Variants in RBFOX1 observed in about 807,000 individuals in gnomAD.
RBFOX1 encodes the protein RNA binding protein fox-1 homolog 1.
Under a neutral mutation model 57.7 loss-of-function variants are expected in RBFOX1, and 8 were observed. That is an observed-to-expected ratio of 0.14 (90% CI 0.08 to 0.25). The LOEUF is 0.25. RBFOX1 is among the 10% of genes least tolerant of loss of function. The pLI, the probability that RBFOX1 is intolerant of heterozygous loss-of-function variation, is 1.00. For missense variants in RBFOX1, 611 were observed against 548.5 expected (o/e 1.11, Z -1.14); for synonymous variants, 326 against 222.4 (o/e 1.47, Z -4.15).
At chr16:5,722,878 G>T (rs1221776360) in intron 3 of RBFOX1, among the ~76,000 whole-genome samples, 1 of 152,120 alleles carries the variant, frequency 6.6e-6, no homozygotes, top group South Asian at 2.1e-4. Context: ...TCTGTTGCCA[G>T]CTCTCATTTT....
rs555288687 is a variant in RBFOX1, at chr16:6,926,176, G to A, written c.-15-125881G>A. The stretch of plus-strand genomic sequence containing the variant: ...CAAAAAACTAGCTGGGCATGGTGGT[G>A]TGCATCTGTAATCTCAGCTAATCCA... On this transcript the variant is annotated intron_variant, in intron 3 of 15. Transcript: ENST00000550418. Among the ~76,000 whole-genome samples, 17 of 152,214 alleles carry A rather than the reference G, an allele frequency of 1.1e-4. No individual in the cohort carries two copies. The South Asian group carries it at 3.5e-3, about 32-fold the overall frequency.
intron 3 of RBFOX1, among the ~76,000 whole-genome samples, chr16:5,730,909 T>C (rs1306213481): frequency 6.6e-6 from 1 of 151,964 alleles, no homozygotes; most frequent in Non-Finnish European, 1.5e-5. Flanking sequence ...ACCATCAACA[T>C]CTCCACTGCC....
At chr16:5,628,217 T>C (rs8054235) in intron 3 of RBFOX1, among the ~76,000 whole-genome samples, 1 of 152,076 alleles carries the variant, frequency 6.6e-6, no homozygotes, top group African/African-American at 2.4e-5. Context: ...CAGCCCAGTG[T>C]TTGAGTTGAG....
At chr16:7,511,312 T>C (rs2075016619) in intron 4 of RBFOX1, among the ~76,000 whole-genome samples, 1 of 152,222 alleles carries the variant, frequency 6.6e-6, no homozygotes, top group Non-Finnish European at 1.5e-5. Context: ...AACTACTTTA[T>C]TAAACCACTC....
At chr16:5,646,632 C>T (rs1023920719) in intron 3 of RBFOX1, among the ~76,000 whole-genome samples, 7 of 151,626 alleles carry the variant, frequency 4.6e-5, no homozygotes, top group Non-Finnish European at 7.4e-5. Context: ...AAGGGAAGAC[C>T]CTCTTATTTT....
At chr16:6,914,544 C>G (rs901327737) in intron 3 of RBFOX1, among the ~76,000 whole-genome samples, 2 of 149,306 alleles carry the variant, frequency 1.3e-5, no homozygotes, top group Non-Finnish European at 3.0e-5. Context: ...CAGTTTTCAG[C>G]TCCAGAAGAA....
chr16:6,637,703 G>A (rs954617469), intron 2 of RBFOX1, among the ~76,000 whole-genome samples: 2 of 151,130 alleles, frequency 1.3e-5, no homozygotes, highest in Admixed American at 6.7e-5. Flanking sequence ...AGAAAGTACA[G>A]CTGACCATGA....
intron 4 of RBFOX1, among the ~76,000 whole-genome samples, chr16:5,997,907 C>T (rs1371194383): frequency 6.6e-6 from 1 of 152,004 alleles, no homozygotes; most frequent in East Asian, 1.9e-4. Flanking sequence ...TGTTAGAGTA[C>T]ATAACATGAA....
chr16:5,680,582 G>A (rs1183047222), intron 3 of RBFOX1, among the ~76,000 whole-genome samples: 1 of 152,154 alleles, frequency 6.6e-6, no homozygotes, highest in Non-Finnish European at 1.5e-5. Flanking sequence ...AGACCTGTTG[G>A]AGGCATGGAT....
At chr16:6,808,458 C>G (rs1176107880) in intron 3 of RBFOX1, among the ~76,000 whole-genome samples, 1 of 151,964 alleles carries the variant, frequency 6.6e-6, no homozygotes, top group East Asian at 1.9e-4. Context: ...AGGATCTCAC[C>G]CCTTGCTTCC....
At chr16:6,984,693 T>A (rs562414588) in intron 3 of RBFOX1, among the ~76,000 whole-genome samples, 28 of 152,256 alleles carry the variant, frequency 1.8e-4, no homozygotes, top group African/African-American at 6.3e-4. Flanking sequence ...CAGGCTGGAG[T>A]GCAGTGGTGT....
At chr16:7,507,735 T>G (rs1264366796) in intron 4 of RBFOX1, among the ~76,000 whole-genome samples, 1 of 151,706 alleles carries the variant, frequency 6.6e-6, no homozygotes, top group African/African-American at 2.4e-5. Context: ...GGCTAATTGT[T>G]GGTAATTTTA....
At chr16:6,506,998 C>T (rs1056816394) in intron 2 of RBFOX1, among the ~76,000 whole-genome samples, 23 of 152,186 alleles carry the variant, frequency 1.5e-4, no homozygotes, top group African/African-American at 5.3e-4. Context: ...AGGCAGTGAA[C>T]TTACTGTGGT....
chr16:6,884,640 T>C (rs2063609923), intron 3 of RBFOX1, among the ~76,000 whole-genome samples: 1 of 152,244 alleles, frequency 6.6e-6, no homozygotes, highest in East Asian at 1.9e-4. Flanking sequence ...GGCTCACACC[T>C]GTAATCCCAG....
intron 4 of RBFOX1, among the ~76,000 whole-genome samples, chr16:7,356,730 A>G (rs535000760): frequency 6.6e-6 from 1 of 152,386 alleles, no homozygotes; most frequent in African/African-American, 2.4e-5. Flanking sequence ...AATACGTTAA[A>G]GAAGTGTTAA....
chr16:7,302,397 C>A (rs2096056191), intron 4 of RBFOX1, among the ~76,000 whole-genome samples: 1 of 152,064 alleles, frequency 6.6e-6, no homozygotes, highest in Non-Finnish European at 1.5e-5. Context: ...GGGTTCAGAG[C>A]CTTCATTTGG....
At chr16:6,860,669 G>A (rs549146160) in intron 3 of RBFOX1, among the ~76,000 whole-genome samples, 1 of 152,138 alleles carries the variant, frequency 6.6e-6, no homozygotes, top group Non-Finnish European at 1.5e-5. Context: ...GGAAATAGAA[G>A]ATAAATTGTA....
intron 2 of RBFOX1, among the ~76,000 whole-genome samples, chr16:6,615,530 A>G (rs1285929802): frequency 6.6e-6 from 1 of 152,008 alleles, no homozygotes; most frequent in Non-Finnish European, 1.5e-5. Flanking sequence ...AGATCGCACC[A>G]CATCTCTCCA....
intron 1 of RBFOX1, among the ~76,000 whole-genome samples, chr16:5,361,912 T>G (rs2065562493): frequency 6.6e-6 from 1 of 152,234 alleles, no homozygotes; most frequent in Non-Finnish European, 1.5e-5. Flanking sequence ...CTTAATGTTC[T>G]GAGAATGGTT....
Sources: gnomAD v4.1 joint callset for allele counts (sites outside exome capture counted in the v4.1 genomes callset) on GRCh38, gnomAD v4.1.1 for gene constraint, MANE v1.5 for transcripts, NCBI Gene and HGNC (gene_info 2026-07-23, HGNC 2026-07-21) for gene names.